The following GRK5 variants were observed in gnomAD, a reference collection of about 807,000 sequenced individuals.
GRK5 encodes G protein-coupled receptor kinase 5.
Under a neutral mutation model 78.4 loss-of-function variants are expected in GRK5, and 40 were observed. The ratio of observed to expected loss-of-function variants is 0.51; its 90% CI spans 0.40 to 0.66. The LOEUF (loss-of-function observed/expected upper bound fraction) is 0.66, where lower values mean the gene tolerates loss of function less well. Ranked by LOEUF, GRK5 falls within the 30% of genes least tolerant of loss-of-function variation. The probability of loss-of-function intolerance (pLI) is 0.00; values close to 1 mark genes in which losing one functional copy is unlikely to be tolerated. For missense variants in GRK5, 598 were observed against 759.9 expected (o/e 0.79, Z 2.50); for synonymous variants, 289 against 296.8 (o/e 0.97, Z 0.27).
At chr10:119,394,152 GTC>G (rs1851941536) in intron 3 of GRK5, among the ~76,000 whole-genome samples, 1 of 145,978 alleles carries the variant, frequency 6.9e-6, no homozygotes, top group African/African-American at 2.6e-5. Context: ...GGGTATGTGT[GTC>G]TGTGTGTGGG....
intron 4 of GRK5, among the ~76,000 whole-genome samples, chr10:119,414,520 C>A (rs1199409755): frequency 6.6e-6 from 1 of 152,244 alleles, no homozygotes; most frequent in Non-Finnish European, 1.5e-5. Flanking sequence ...CATCCTCCTG[C>A]ACACTGTCTA....
At chr10:119,300,680 C>G (rs527918717) in intron 1 of GRK5, among the ~76,000 whole-genome samples, 18 of 152,348 alleles carry the variant, frequency 1.2e-4, no homozygotes, top group African/African-American at 4.3e-4. Context: ...TCCAAGAGAT[C>G]AGTAGCACTT....
At chr10:119,331,153 C>T (rs1480723086) in intron 2 of GRK5, among the ~76,000 whole-genome samples, 1 of 152,244 alleles carries the variant, frequency 6.6e-6, no homozygotes. Flanking sequence ...TGGGCCCCAG[C>T]CCTGTCTGTC....
At chr10:119,388,969 G>T (rs1851843248) in intron 3 of GRK5, among the ~76,000 whole-genome samples, 1 of 152,190 alleles carries the variant, frequency 6.6e-6, no homozygotes, top group Non-Finnish European at 1.5e-5. Context: ...GGTAGGAGCT[G>T]CAGTGCCCTC....
At position 119,431,437 on chromosome 10, in the gene GRK5, C is replaced by T. The variant is rs1453588333; in HGVS notation, c.648C>T (p.Arg216=). ...CGGGTAAAATGTATGCCTGCAAGCG[C>T]TTGGAGAAGAAGAGGATCAAAAAGA... is the stretch of plus-strand genomic sequence containing the variant. ...RATGKMYACK[R]LEKKRIKKRK... is the part of the protein sequence containing the mutation. The change falls in exon 8 of 16, where the codon CGC becomes CGT. Residue 216 remains arginine, a synonymous_variant. Coordinates refer to ENST00000392870, the MANE Select transcript of GRK5 (RefSeq NM_005308.3). This position sits in a 1 kb window ranked among gnomAD's most constrained non-coding sequence, Gnocchi z 4.8. 6.2e-7 allele frequency: 1 copy of T among 1,614,028 alleles called. No individual in the cohort carries two copies. Among genetic ancestry groups the T allele is most frequent in the Non-Finnish European group, 8.5e-7 (1 of 1,179,942 alleles).
chr10:119,239,910 G>A (rs1393823935), intron 1 of GRK5, among the ~76,000 whole-genome samples: 2 of 152,088 alleles, frequency 1.3e-5, no homozygotes, highest in Non-Finnish European at 2.9e-5. Flanking sequence ...TCTTTATCCA[G>A]TCTGTCATTG....
chr10:119,421,970 A>G (rs1384632511), intron 4 of GRK5, among the ~76,000 whole-genome samples: 1 of 152,308 alleles, frequency 6.6e-6, no homozygotes, highest in East Asian at 1.9e-4. Flanking sequence ...ACCCCCGCCC[A>G]GAAACCATCC....
chr10:119,268,814 A>G (rs933815233), intron 1 of GRK5, among the ~76,000 whole-genome samples: 3 of 152,344 alleles, frequency 2.0e-5, no homozygotes, highest in Non-Finnish European at 4.4e-5. Context: ...GTGCCTAAGA[A>G]ACGCTACCCT....
intron 2 of GRK5, among the ~76,000 whole-genome samples, chr10:119,331,526 T>G (rs1850778977): frequency 1.3e-5 from 2 of 152,386 alleles, no homozygotes; most frequent in African/African-American, 4.8e-5. Context: ...TTTATTTTTC[T>G]TGTGGACACA....
chr10:119,258,489 T>C (rs1392918767), intron 1 of GRK5, among the ~76,000 whole-genome samples: 1 of 152,238 alleles, frequency 6.6e-6, no homozygotes, highest in Non-Finnish European at 1.5e-5. Flanking sequence ...TGTTTAATTT[T>C]ATAAGAAACC....
chr10:119,439,767 T>C lies in GRK5; in HGVS notation c.966T>C (p.Tyr322=). The C allele has an allele frequency of 6.2e-7, 1 of 1,613,846 alleles. No individual in the cohort carries two copies. Among genetic ancestry groups the C allele is most frequent in the East Asian group, 2.2e-5 (1 of 44,880 alleles). Reference sequence around the variant, plus strand: ...CTGAAAACATCCTGTTAGATGATTATGGTAAGTCTTTTCCTACTCGGTAGC... The same window carrying C: ...CTGAAAACATCCTGTTAGATGATTACGGTAAGTCTTTTCCTACTCGGTAGC... ...LKPENILLDD[Y]GHIRISDLGL... is the part of the protein sequence containing the mutation. Residue 322 remains tyrosine (Y), a splice_region_variant and synonymous_variant, in exon 10 of 16, where the codon TAT becomes TAC. Transcript: ENST00000392870.
chr10:119,313,059 ATGGTGGTGGTGATGGTGG>A (rs1418355373), intron 1 of GRK5, among the ~76,000 whole-genome samples: 30 of 13,794 alleles, frequency 2.2e-3, no homozygotes, highest in East Asian at 3.5e-3. Flanking sequence ...GGTAATGATG[ATGGTGGTGGTGATGGTGG>A]TGGTGGTGGT....
At chr10:119,450,816 G>A (rs929405308) in intron 13 of GRK5, among the ~76,000 whole-genome samples, 3 of 152,100 alleles carry the variant, frequency 2.0e-5, no homozygotes. Flanking sequence ...GTACCCTGTG[G>A]CCCAGGGCCT....
chr10:119,296,049 C>T (rs571984622), intron 1 of GRK5, among the ~76,000 whole-genome samples: 1 of 152,300 alleles, frequency 6.6e-6, no homozygotes, highest in African/African-American at 2.4e-5. Flanking sequence ...TTTATCATCC[C>T]ACATTAGAAG....
At chr10:119,277,337 G>A (rs967099150) in intron 1 of GRK5, among the ~76,000 whole-genome samples, 1 of 152,150 alleles carries the variant, frequency 6.6e-6, no homozygotes, top group African/African-American at 2.4e-5. Flanking sequence ...TGGAGGACGC[G>A]AAGGGGTTTC....
chr10:119,418,696 A>C (rs1178623765), intron 4 of GRK5, among the ~76,000 whole-genome samples: 1 of 152,124 alleles, frequency 6.6e-6, no homozygotes, highest in Non-Finnish European at 1.5e-5. Flanking sequence ...TGCTCCTTCC[A>C]GTTAACTTGA....
Position 119,379,035 on chromosome 10 carries a change from C to T in GRK5, c.149-1780C>T, listed in dbSNP as rs1328148686. 3.3e-5 allele frequency among the ~76,000 whole-genome samples: 5 copies of T among 152,116 alleles called. No homozygotes were observed. Among genetic ancestry groups the T allele is most frequent in the Admixed American group, 2.6e-4 (4 of 15,254 alleles). On this transcript the variant is annotated intron_variant, in intron 2 of 15. Transcript: ENST00000392870. This position sits in a 1 kb window ranked among gnomAD's most constrained non-coding sequence, Gnocchi z 4.1. ...CTCCGTAGCATGGGAGGCGTCAGCT[C>T]CCCTTTTAGATTCAGAGGCTTGGGT...
rs374242665 is a variant in GRK5 at position 119,300,053 on chromosome 10, T to C, written c.53-26463T>C. Among the ~76,000 whole-genome samples the C allele has an allele frequency of 2.9e-4, 44 of 152,216 alleles. 1 individual carries two copies. Among genetic ancestry groups the C allele is most frequent in the African/African-American group, 1.1e-3 (44 of 41,508 alleles). On this transcript the variant is annotated intron_variant, in intron 1 of 15. Coordinates refer to ENST00000392870, the MANE Select transcript of GRK5 (RefSeq NM_005308.3). ...CCTTTTCTTCCTGGTGTACTCAGCT[T>C]CCCTGGCATCAAGCATTCCCTGCAA...
chr10:119,266,306 T>C (rs1849495132), intron 1 of GRK5, among the ~76,000 whole-genome samples: 1 of 151,990 alleles, frequency 6.6e-6, no homozygotes, highest in Non-Finnish European at 1.5e-5. Flanking sequence ...AACACAAGCA[T>C]TAGCCAGGCA....
Sources: gnomAD v4.1 joint callset for allele counts (sites outside exome capture counted in the v4.1 genomes callset) on GRCh38, gnomAD v4.1.1 for gene constraint, Gnocchi (gnomAD v3.1) non-coding constraint, MANE v1.5 for transcripts, NCBI Gene and HGNC (gene_info 2026-07-23, HGNC 2026-07-21) for gene names.